CPQ: variants seen among roughly 807,000 people sequenced by gnomAD.
CPQ encodes carboxypeptidase Q.
In CPQ, 37 loss-of-function variants were observed where a neutral mutation model predicts 45.7. That is an observed-to-expected ratio of 0.81 (90% CI 0.62 to 1.07). The LOEUF (loss-of-function observed/expected upper bound fraction) is 1.07, where lower values mean the gene tolerates loss of function less well. Ranked by LOEUF, CPQ falls within the 50% of genes least tolerant of loss-of-function variation. The pLI, the probability that CPQ is intolerant of heterozygous loss-of-function variation, is 0.00. For synonymous variants in CPQ, 186 were observed against 205.8 expected (o/e 0.90, Z 0.82); for missense variants, 537 against 572.9 (o/e 0.94, Z 0.64).
At chr8:96,698,678 G>T (rs1422083005) in intron 1 of CPQ, among the ~76,000 whole-genome samples, 1 of 151,960 alleles carries the variant, frequency 6.6e-6, no homozygotes, top group African/African-American at 2.4e-5. Flanking sequence ...ATGAAAAATG[G>T]GCAAAAGATG....
chr8:96,895,574 C>T (rs74856398), intron 4 of CPQ, among the ~76,000 whole-genome samples: 2 of 152,136 alleles, frequency 1.3e-5, no homozygotes, highest in East Asian at 3.9e-4. Flanking sequence ...TTGAATGTGT[C>T]TTTTGAACTG....
chr8:97,106,364 T>C (rs138237523), intron 7 of CPQ, among the ~76,000 whole-genome samples: 25 of 152,306 alleles, frequency 1.6e-4, no homozygotes, highest in African/African-American at 5.1e-4. Flanking sequence ...TGCAAGTTCT[T>C]AGAAAAGTTG....
intron 3 of CPQ, among the ~76,000 whole-genome samples, chr8:96,870,552 G>C (rs1319744631): frequency 5.9e-5 from 9 of 151,960 alleles, no homozygotes; most frequent in African/African-American, 1.7e-4. Context: ...AGATTGCCAG[G>C]GTTCAGTTCT....
At chr8:96,720,179 C>G (rs974018753) in intron 1 of CPQ, among the ~76,000 whole-genome samples, 9 of 152,246 alleles carry the variant, frequency 5.9e-5, no homozygotes, top group South Asian at 2.1e-4. Context: ...CATATTTTCT[C>G]TTAATTCCTT....
intron 5 of CPQ, among the ~76,000 whole-genome samples, chr8:97,016,938 T>C (rs1451569018): frequency 3.3e-5 from 5 of 151,936 alleles, no homozygotes; most frequent in Non-Finnish European, 7.4e-5. Flanking sequence ...GACAGAACAG[T>C]GTGTGGAGAC....
chr8:96,823,663 A>G (rs2130839358), intron 2 of CPQ, among the ~76,000 whole-genome samples: 1 of 152,002 alleles, frequency 6.6e-6, no homozygotes, highest in Middle Eastern at 3.4e-3. Context: ...TTTGGTAATA[A>G]GTCAGGAAAT....
chr8:96,667,844 C>T (rs539680723), intron 1 of CPQ, among the ~76,000 whole-genome samples: 1 of 152,148 alleles, frequency 6.6e-6, no homozygotes, highest in East Asian at 1.9e-4. Flanking sequence ...TTATCTAGAT[C>T]ACCTGTATTC....
chr8:96,786,151 ACT>A (rs1323276026), intron 2 of CPQ, among the ~76,000 whole-genome samples: 1 of 151,988 alleles, frequency 6.6e-6, no homozygotes, highest in African/African-American at 2.4e-5. Flanking sequence ...ACAAAAAGAA[ACT>A]CTGTGACTAT....
At chr8:96,812,911 C>T (rs1327226168) in intron 2 of CPQ, among the ~76,000 whole-genome samples, 1 of 151,366 alleles carries the variant, frequency 6.6e-6, no homozygotes, top group Non-Finnish European at 1.5e-5. Context: ...AAAAAAAAAG[C>T]CAAAATGTTT....
rs536634949 is a variant in CPQ at position 97,047,215 on chromosome 8, A to T, written c.1053+17721A>T. Reference sequence around the variant, plus strand: ...TGTTTTCCTTATTTCACACATGAAGAAACAGAGGCTCAAAGAAGTGAAGAA... The same window carrying T: ...TGTTTTCCTTATTTCACACATGAAGTAACAGAGGCTCAAAGAAGTGAAGAA... On this transcript the variant is annotated intron_variant, in intron 6 of 7. Transcript: ENST00000220763. Among the ~76,000 whole-genome samples, 7 of 152,342 alleles carry T rather than the reference A, an allele frequency of 4.6e-5. No homozygotes were observed. The South Asian group carries it at 1.5e-3, about 32-fold the overall frequency.
At chr8:97,091,634 A>G (rs1264747971) in intron 7 of CPQ, among the ~76,000 whole-genome samples, 1 of 152,132 alleles carries the variant, frequency 6.6e-6, no homozygotes, top group African/African-American at 2.4e-5. Flanking sequence ...TAGTTTTGCC[A>G]TTGTCCATTT....
intron 4 of CPQ, among the ~76,000 whole-genome samples, chr8:96,884,149 A>C (rs1439158285): frequency 1.3e-5 from 2 of 152,140 alleles, no homozygotes; most frequent in African/African-American, 4.8e-5. Context: ...GTTTCTATTA[A>C]ATGAACCATA....
chr8:96,823,296 T>G (rs1222535674), intron 2 of CPQ, among the ~76,000 whole-genome samples: 1 of 152,044 alleles, frequency 6.6e-6, no homozygotes, highest in Non-Finnish European at 1.5e-5. Flanking sequence ...ATGGTAGAAA[T>G]GGACTTTTGT....
intron 4 of CPQ, among the ~76,000 whole-genome samples, chr8:96,952,086 G>C (rs1011619061): frequency 1.3e-5 from 2 of 152,062 alleles, no homozygotes; most frequent in Non-Finnish European, 2.9e-5. Context: ...AGGTGGTAGT[G>C]AGAAATTATT....
chr8:96,940,349 A>G (rs1443441752), intron 4 of CPQ, among the ~76,000 whole-genome samples: 2 of 152,218 alleles, frequency 1.3e-5, no homozygotes, highest in African/African-American at 4.8e-5. Context: ...AGAGAAAACC[A>G]TCAGTTCTCC....
chr8:97,118,266 T>G (rs1191186462), intron 7 of CPQ, among the ~76,000 whole-genome samples: 2 of 152,074 alleles, frequency 1.3e-5, no homozygotes, highest in Non-Finnish European at 2.9e-5. Flanking sequence ...TTCACAATGA[T>G]GTGAAAGGAT....
chr8:97,059,214 G>A (rs1218983143), intron 6 of CPQ, among the ~76,000 whole-genome samples: 1 of 152,092 alleles, frequency 6.6e-6, no homozygotes, highest in Non-Finnish European at 1.5e-5. Context: ...CACACACACA[G>A]AATGATAGGT....
intron 4 of CPQ, among the ~76,000 whole-genome samples, chr8:96,945,530 A>T (rs183982716): frequency 3.0e-4 from 46 of 152,216 alleles, no homozygotes; most frequent in African/African-American, 1.0e-3. Flanking sequence ...GATTTAAACA[A>T]AGCACTCCAT....
At chr8:96,784,723 A>G in intron 1 of CPQ, 141 bp from the exon 2 acceptor site, 1 of 617,112 alleles carries the variant, frequency 1.6e-6, no homozygotes, top group Non-Finnish European at 2.8e-6. Context: ...CCTCAGAGTA[A>G]CAGTGCCTGA....
Sources: allele counts gnomAD v4.1 joint callset (sites outside exome capture counted in the v4.1 genomes callset), GRCh38; gene constraint gnomAD v4.1.1; transcripts MANE v1.5; gene names NCBI Gene and HGNC (gene_info 2026-07-23, HGNC 2026-07-21).